USP34: variants seen among roughly 807,000 people sequenced by gnomAD.
USP34 encodes the protein ubiquitin carboxyl-terminal hydrolase 34.
Under a neutral mutation model 460.3 loss-of-function variants are expected in USP34, and 70 were observed. The observed-to-expected ratio is 0.15, with a 90% CI of 0.13 to 0.19. USP34 has a LOEUF of 0.19. Among genes scored for constraint, USP34 ranks in the 10% least tolerant of loss-of-function variants. The pLI is 1.00. For synonymous variants in USP34, 1,647 were observed against 1,405.3 expected (o/e 1.17, Z -3.85); for missense variants, 3,985 against 4,236.2 (o/e 0.94, Z 1.65).
At chr2:61,396,872 T>A (rs769659055) in intron 3 of USP34, among the ~76,000 whole-genome samples, 6 of 152,172 alleles carry the variant, frequency 3.9e-5, no homozygotes, top group African/African-American at 1.4e-4. Context: ...AAAGTGATGA[T>A]GGCTGCACAA....
intron 37 of USP34, 24 bp from the exon 38 acceptor site, chr2:61,281,266 A>C (rs749256657): frequency 5.6e-6 from 9 of 1,603,248 alleles, no homozygotes; most frequent in African/African-American, 1.3e-5. Context: ...AAAGTTCCAC[A>C]AACAGTGAGA....
rs1395597991 is a variant in USP34, at chr2:61,470,986, G to A, written c.-294C>T. ...GAAGGACGGGGGGAGGGGAGAGGGG[G>A]GGAGGGGGCGGGTGGGGAGAGAAGC... On this transcript the variant is annotated 5_prime_UTR_variant, in exon 1 of 80. Coordinates refer to ENST00000398571, the MANE Select transcript of USP34 (RefSeq NM_014709.4). Among the ~76,000 whole-genome samples the A allele has an allele frequency of 1.4e-5, 2 of 140,592 alleles. No homozygotes were observed. Among genetic ancestry groups the A allele is most frequent in the Admixed American group, 1.4e-4 (2 of 14,488 alleles). The allele number at this position is 140,592 out of a possible 152,430, so 92.2% of individuals were successfully genotyped here.
chr2:61,280,780 G>A (rs566991954), intron 38 of USP34, among the ~76,000 whole-genome samples: 48 of 152,240 alleles, frequency 3.2e-4, no homozygotes, highest in Non-Finnish European at 1.2e-4. Flanking sequence ...AGAGAAGAGA[G>A]CTCCATTTAT....
chr2:61,362,688 A>G (rs1692311029), intron 10 of USP34, among the ~76,000 whole-genome samples: 1 of 152,184 alleles, frequency 6.6e-6, no homozygotes, highest in East Asian at 1.9e-4. Context: ...AGTTCTCCAA[A>G]ATGAGTAAAT....
chr2:61,317,875 G>T (rs1690798629), intron 22 of USP34, 108 bp from the exon 23 acceptor site: 3 of 727,768 alleles, frequency 4.1e-6, no homozygotes, highest in Non-Finnish European at 6.4e-6. Context: ...AAACAGATCA[G>T]TTTGAATTTT....
intron 1 of USP34, among the ~76,000 whole-genome samples, chr2:61,468,441 G>A (rs745722423): frequency 2.0e-5 from 3 of 152,080 alleles, no homozygotes; most frequent in Admixed American, 6.6e-5. Context: ...CCTTGGCCTC[G>A]CAAAGTGTTG....
chr2:61,206,631 G>C, intron 71 of USP34, 129 bp downstream of exon 71: 5 of 1,169,164 alleles, frequency 4.3e-6, no homozygotes, highest in Non-Finnish European at 5.8e-6. Flanking sequence ...CTGATGGTTA[G>C]CTAGCTTCAG....
At position 61,395,206 on chromosome 2, in the gene USP34, A is replaced by G; in HGVS notation, c.580T>C (p.Leu194=). Residue 194 remains leucine (L), a synonymous_variant, in exon 4 of 80, where the codon TTA becomes CTA. Coordinates refer to ENST00000398571, the MANE Select transcript of USP34 (RefSeq NM_014709.4). ...ACATTCATATCACAGAATGCCCCTA[A>G]TATGTTACTTTCTTGAGTTGATATA... ...EDISTQESNI[L]GAFCDMNDVE... 6.6e-7 allele frequency: 1 copy of G among 1,504,218 alleles called. No homozygotes were observed. The highest frequency in any genetic ancestry group is 1.2e-5 in the South Asian group (1 of 83,160). 93.2% of individuals were successfully genotyped at this position (1,504,218 alleles called of 1,614,324 possible).
chr2:61,357,622 C>G (rs978093711), intron 10 of USP34, among the ~76,000 whole-genome samples: 1 of 152,170 alleles, frequency 6.6e-6, no homozygotes, highest in Admixed American at 6.5e-5. Flanking sequence ...GAAAGCTGGT[C>G]AGATGCAGTT....
intron 43 of USP34, among the ~76,000 whole-genome samples, chr2:61,263,935 G>A (rs1387916121): frequency 1.3e-5 from 2 of 152,134 alleles, no homozygotes; most frequent in African/African-American, 4.8e-5. Flanking sequence ...GCACATCTGA[G>A]TGTTCCTTCT....
chr2:61,196,124 A>G (rs750471908), intron 75 of USP34, among the ~76,000 whole-genome samples: 1 of 119,708 alleles, frequency 8.4e-6, no homozygotes, highest in Non-Finnish European at 1.6e-5. Context: ...TTTGTCGCAC[A>G]GGCTGGAGTG....
Position 61,246,387 on chromosome 2 carries a change from C to T in USP34, c.6485G>A (p.Gly2162Asp). The change falls in exon 50 of 80, where the codon GGT (glycine) becomes GAT (aspartate). Residue 2162 changes from glycine (G) to aspartate (D), a missense_variant. Transcript: ENST00000398571. ...GVTVHTGTADGGHYYSFIRDI... is the reference protein window; with the variant it reads ...GVTVHTGTADDGHYYSFIRDI... The stretch of plus-strand genomic sequence containing the variant: ...TCTGATAAAGCTATAATAGTGTCCA[C>T]CATCTGCCGTTCCTGTGTGAACAGT... 1 of 1,610,966 alleles carries T rather than the reference C, an allele frequency of 6.2e-7. No homozygotes were observed. The highest frequency in any genetic ancestry group is 8.5e-7 in the Non-Finnish European group (1 of 1,178,288).
chr2:61,368,665 G>T (rs781020346), intron 10 of USP34, among the ~76,000 whole-genome samples: 2 of 152,048 alleles, frequency 1.3e-5, no homozygotes, highest in South Asian at 4.2e-4. Context: ...AAAAAAGGGA[G>T]GAAAGTTGGA....
chr2:61,444,884 G>A (rs929817483), intron 1 of USP34, among the ~76,000 whole-genome samples: 12 of 143,358 alleles, frequency 8.4e-5, no homozygotes, highest in Admixed American at 7.2e-4. Flanking sequence ...CTGCCTTATC[G>A]TTTCTTTCTT....
chr2:61,339,754 G>C (rs922017209), intron 16 of USP34, 73 bp from the exon 17 acceptor site: 2 of 716,570 alleles, frequency 2.8e-6, no homozygotes, highest in African/African-American at 3.7e-5. Context: ...CATATGGTTA[G>C]CAAATCCAAA....
chr2:61,321,412 A>G (rs1182126669), intron 21 of USP34, among the ~76,000 whole-genome samples: 2 of 152,140 alleles, frequency 1.3e-5, no homozygotes, highest in African/African-American at 4.8e-5. Context: ...TGGAGGTTGC[A>G]GTGAGCCAAG....
intron 67 of USP34, among the ~76,000 whole-genome samples, chr2:61,217,754 A>C (rs1324839376): frequency 1.3e-5 from 2 of 152,144 alleles, no homozygotes; most frequent in East Asian, 3.9e-4. Flanking sequence ...GGAGTTTGAG[A>C]CCAGCCTGAC....
chr2:61,353,474 G>A (rs1394398690), intron 10 of USP34, among the ~76,000 whole-genome samples: 6 of 149,454 alleles, frequency 4.0e-5, no homozygotes, highest in African/African-American at 7.4e-5. Context: ...TCACTGCCAC[G>A]TGTGCCTCCC....
chr2:61,464,520 C>T (rs1018868447), intron 1 of USP34, among the ~76,000 whole-genome samples: 1 of 152,082 alleles, frequency 6.6e-6, no homozygotes, highest in Non-Finnish European at 1.5e-5. Context: ...CATGAATTAT[C>T]CATTTTGGAC....
Sources: gnomAD v4.1 joint callset for allele counts (sites outside exome capture counted in the v4.1 genomes callset) on GRCh38, gnomAD v4.1.1 for gene constraint, MANE v1.5 for transcripts, NCBI Gene and HGNC (gene_info 2026-07-23, HGNC 2026-07-21) for gene names.